Variants in MCU observed in about 807,000 individuals in gnomAD.
MCU encodes the protein mitochondrial calcium uniporter, also known as calcium uniporter protein, mitochondrial.
MCU carries 12 observed loss-of-function variants against 45.2 expected under a neutral mutation model. That is an observed-to-expected ratio of 0.27 (90% CI 0.17 to 0.43). MCU has a LOEUF of 0.43. MCU is among the 20% of genes least tolerant of loss of function. MCU has a pLI of 1.00. For missense variants in MCU, 324 were observed against 436.7 expected, an observed-to-expected ratio of 0.74 and a Z score of 2.30; for synonymous variants, 160 against 165.1, an observed-to-expected ratio of 0.97 and a Z score of 0.24.
intron 1 of MCU, among the ~76,000 whole-genome samples, chr10:72,745,918 C>T (rs554253079): frequency 5.3e-5 from 8 of 152,050 alleles, no homozygotes; most frequent in Non-Finnish European, 1.2e-4. Context: ...CATTAAGTAC[C>T]TTCATGTAGT....
At chr10:72,699,651 G>C (rs1363599915) in intron 1 of MCU, among the ~76,000 whole-genome samples, 1 of 151,088 alleles carries the variant, frequency 6.6e-6, no homozygotes, top group Non-Finnish European at 1.5e-5. Context: ...GAGTGCAGTG[G>C]CGCTATCTCT....
chr10:72,786,531 A>C (rs2132758765), intron 1 of MCU, among the ~76,000 whole-genome samples: 1 of 152,180 alleles, frequency 6.6e-6, no homozygotes. Flanking sequence ...GATCACGTGG[A>C]GGTCAGGAGT....
intron 1 of MCU, among the ~76,000 whole-genome samples, chr10:72,746,149 G>A (rs1224594561): frequency 6.6e-6 from 1 of 152,134 alleles, no homozygotes; most frequent in African/African-American, 2.4e-5. Flanking sequence ...TGTGTGCACA[G>A]TATAGCGTGA....
At chr10:72,739,120 AAATTAT>A (rs1233419292) in intron 1 of MCU, among the ~76,000 whole-genome samples, 7 of 152,146 alleles carry the variant, frequency 4.6e-5, no homozygotes, top group African/African-American at 1.7e-4. Context: ...GATGTATAAT[AAATTAT>A]AATTAAGTTA....
rs181110663 is a variant in MCU, at chr10:72,813,405, G to A, written c.151-20954G>A. Among the ~76,000 whole-genome samples, 868 of 151,094 alleles carry A rather than the reference G, an allele frequency of 5.7e-3. 11 individuals are homozygous for A. The highest frequency in any genetic ancestry group is 0.02 in the African/African-American group (816 of 41,208). On this transcript the variant is annotated intron_variant, in intron 1 of 7. Transcript: ENST00000373053. The stretch of plus-strand genomic sequence containing the variant: ...GTAATGAAAAATCAGGTAAAACTTG[G>A]GAAAGAAGTGTAAGAGGATCTGTTA...
At chr10:72,706,342 T>C (rs577450502) in intron 1 of MCU, among the ~76,000 whole-genome samples, 5 of 152,276 alleles carry the variant, frequency 3.3e-5, no homozygotes, top group African/African-American at 1.2e-4. Context: ...TCTGCTGCTC[T>C]AGTGACTCAG....
chr10:72,696,499 T>G (rs139648165), intron 1 of MCU, among the ~76,000 whole-genome samples: 25 of 152,264 alleles, frequency 1.6e-4, no homozygotes, highest in African/African-American at 6.0e-4. Context: ...AATCTTGATT[T>G]GTGTAATTCC....
chr10:72,733,744 T>C (rs1242889375), intron 1 of MCU, among the ~76,000 whole-genome samples: 2 of 150,482 alleles, frequency 1.3e-5, no homozygotes, highest in Admixed American at 6.6e-5. Flanking sequence ...ATAGCTTAAC[T>C]TGCAGCATCT....
chr10:72,833,929 A>G (rs1333485671), intron 1 of MCU, among the ~76,000 whole-genome samples: 3 of 152,224 alleles, frequency 2.0e-5, no homozygotes, highest in Non-Finnish European at 2.9e-5. Context: ...TGATACAGCT[A>G]CTTAATAACT....
rs549776498 is a variant in MCU at position 72,768,951 on chromosome 10, A to G, written c.151-65408A>G. ...ACTGTAACTTTGAATTCCTGGGTTC[A>G]GGTGATCCTCCTGCCTCAGCCTCCT... On this transcript the variant is annotated intron_variant, in intron 1 of 7. Transcript: ENST00000373053. Among the ~76,000 whole-genome samples the G allele has an allele frequency of 1.4e-3, 220 of 152,166 alleles. 2 individuals carry two copies. Among genetic ancestry groups the G allele is most frequent in the African/African-American group, 4.8e-3 (201 of 41,498 alleles).
At chr10:72,815,681 A>T (rs1844614885) in intron 1 of MCU, among the ~76,000 whole-genome samples, 1 of 152,234 alleles carries the variant, frequency 6.6e-6, no homozygotes, top group Non-Finnish European at 1.5e-5. Context: ...AGCATGGGAA[A>T]GCTCAACAAA....
chr10:72,829,209 G>A (rs928698255), intron 1 of MCU, among the ~76,000 whole-genome samples: 1 of 151,834 alleles, frequency 6.6e-6, no homozygotes, highest in African/African-American at 2.4e-5. Context: ...TGTAGTCCCA[G>A]CTACTCGGGA....
chr10:72,739,267 A>G (rs1843292929), intron 1 of MCU, among the ~76,000 whole-genome samples: 1 of 152,170 alleles, frequency 6.6e-6, no homozygotes, highest in South Asian at 2.1e-4. Flanking sequence ...AAGTTCATAT[A>G]TTTGAATTTG....
At chr10:72,712,039 C>A (rs1400669537) in intron 1 of MCU, among the ~76,000 whole-genome samples, 1 of 150,968 alleles carries the variant, frequency 6.6e-6, no homozygotes, top group Non-Finnish European at 1.5e-5. Context: ...AAAAAAAAAA[C>A]CCAAAAAACA....
At chr10:72,766,534 C>G (rs1474237501) in intron 1 of MCU, 2 of 152,058 alleles carry the variant, frequency 1.3e-5, no homozygotes, top group African/African-American at 2.4e-5. Context: ...CTACTAGAAC[C>G]CTTGAATATT....
At position 72,705,837 on chromosome 10, in the gene MCU, C is replaced by T. The variant is rs982502668; in HGVS notation, c.150+13536C>T. Among the ~76,000 whole-genome samples, 5 of 149,822 alleles carry T rather than the reference C, an allele frequency of 3.3e-5. No homozygotes were observed. The South Asian group carries it at 1.1e-3, about 32-fold the overall frequency. ...CCGTCTCAAAAAAAAAAAAATTAGT[C>T]GGGTGTGGGTGCACACGCCTGTAAT... On this transcript the variant is annotated intron_variant, in intron 1 of 7. Coordinates refer to ENST00000373053, the MANE Select transcript of MCU (RefSeq NM_138357.3).
chr10:72,854,918 G>A (rs1167420158), intron 2 of MCU, among the ~76,000 whole-genome samples: 3 of 152,126 alleles, frequency 2.0e-5, no homozygotes, highest in Non-Finnish European at 4.4e-5. Context: ...AAAAAGTTTA[G>A]CAATACTTGC....
intron 2 of MCU, among the ~76,000 whole-genome samples, chr10:72,836,907 C>T (rs1259550889): frequency 2.0e-5 from 3 of 152,176 alleles, no homozygotes; most frequent in African/African-American, 7.2e-5. Context: ...TCACCAGTAA[C>T]AGAAATTTCT....
At chr10:72,823,186 A>C (rs140653684) in intron 1 of MCU, among the ~76,000 whole-genome samples, 1 of 152,366 alleles carries the variant, frequency 6.6e-6, no homozygotes, top group East Asian at 1.9e-4. Flanking sequence ...TTGGCAATAA[A>C]AAGGAATTAA....
Sources: allele counts gnomAD v4.1 joint callset (sites outside exome capture counted in the v4.1 genomes callset), GRCh38; gene constraint gnomAD v4.1.1; transcripts MANE v1.5; gene names NCBI Gene and HGNC (gene_info 2026-07-23, HGNC 2026-07-21).